HDAC9: variants seen among roughly 807,000 people sequenced by gnomAD.
HDAC9 encodes the protein histone deacetylase 9.
Under a neutral mutation model 139.4 loss-of-function variants are expected in HDAC9, and 41 were observed. That is an observed-to-expected ratio of 0.29 (90% confidence interval 0.23 to 0.38). The LOEUF (loss-of-function observed/expected upper bound fraction) is 0.38. Ranked by LOEUF, HDAC9 falls within the 10% of genes least tolerant of loss-of-function variation. The pLI, the probability that HDAC9 is intolerant of heterozygous loss-of-function variation, is 1.00. For missense variants in HDAC9, 1,147 were observed against 1,297.0 expected, an observed-to-expected ratio of 0.88 and a Z score of 1.78; for synonymous variants, 517 against 476.2, an observed-to-expected ratio of 1.09 and a Z score of -1.12.
chr7:18,169,553 T>C (rs879661596), intron 2 of HDAC9, among the ~76,000 whole-genome samples: 2 of 152,190 alleles, frequency 1.3e-5, no homozygotes, highest in African/African-American at 2.4e-5. Context: ...GTTGGTTTGC[T>C]GCACCCATTA....
At chr7:18,698,741 A>C (rs1229252038) in intron 12 of HDAC9, among the ~76,000 whole-genome samples, 1 of 152,224 alleles carries the variant, frequency 6.6e-6, no homozygotes, top group African/African-American at 2.4e-5. Context: ...CAGAAAGGTC[A>C]CAGTGGTCTG....
At position 18,733,247 on chromosome 7, in the gene HDAC9, A is replaced by G. The variant is rs1584938812; in HGVS notation, c.1909+5490A>G. 5.4e-5 allele frequency among the ~76,000 whole-genome samples: 8 copies of G among 148,050 alleles called. No individual in the cohort carries two copies. The East Asian group carries it at 1.4e-3, about 26-fold the overall frequency. Reference sequence around the variant, plus strand: ...TATACACATATATACATGTGTATATATGTATATAATGTATATATACACAGG... The same window carrying G: ...TATACACATATATACATGTGTATATGTGTATATAATGTATATATACACAGG... On this transcript the variant is annotated intron_variant, in intron 13 of 25. Transcript: ENST00000686413.
At chr7:18,261,594 T>C (rs1795682898) in intron 2 of HDAC9, among the ~76,000 whole-genome samples, 2 of 152,314 alleles carry the variant, frequency 1.3e-5, no homozygotes, top group Non-Finnish European at 2.9e-5. Context: ...AGGTTTACTT[T>C]CTAGAAGTGA....
At chr7:18,676,805 T>C (rs1473611393) in intron 12 of HDAC9, among the ~76,000 whole-genome samples, 1 of 151,946 alleles carries the variant, frequency 6.6e-6, no homozygotes, top group Non-Finnish European at 1.5e-5. Flanking sequence ...ATAACCTTTT[T>C]CTGGATATGG....
Position 18,631,571 on chromosome 7 carries a change from A to G in HDAC9, c.796+2090A>G, listed in dbSNP as rs1027140593. On this transcript the variant is annotated intron_variant, in intron 7 of 25. Transcript: ENST00000686413. The stretch of plus-strand genomic sequence containing the variant: ...CTTTTGCTGTTATCCTCTTACCTCT[A>G]TGTCTTTTCTCTCTTCCCCATTTCA... 4.6e-5 allele frequency among the ~76,000 whole-genome samples: 7 copies of G among 151,786 alleles called. No homozygotes were observed. The South Asian group carries it at 8.3e-4, about 18-fold the overall frequency.
rs112558101 is a variant in HDAC9, at chr7:18,994,080, G to C, written c.3171-1943G>C. Among the ~76,000 whole-genome samples the C allele has an allele frequency of 3.3e-5, 5 of 152,232 alleles. 1 individual carries two copies. The highest frequency in any genetic ancestry group is 1.2e-4 in the African/African-American group (5 of 41,526). The stretch of plus-strand genomic sequence containing the variant: ...TACTCACATCCTTTAAGCCTAGGTT[G>C]GACATGTGGAGAATTCACAGATCCT... On this transcript the variant is annotated intron_variant, in intron 25 of 25. Coordinates refer to ENST00000686413, the MANE Select transcript of HDAC9 (RefSeq NM_178425.4).
At chr7:18,690,177 G>GT (rs1463197855) in intron 12 of HDAC9, among the ~76,000 whole-genome samples, 3 of 151,832 alleles carry the variant, frequency 2.0e-5, no homozygotes, top group Non-Finnish European at 2.9e-5. Flanking sequence ...AACTAAAGAG[G>GT]TTTTTATCCA....
At chr7:18,797,701 C>T (rs1264186181) in intron 17 of HDAC9, among the ~76,000 whole-genome samples, 6 of 151,606 alleles carry the variant, frequency 4.0e-5, no homozygotes, top group East Asian at 1.9e-4. Flanking sequence ...TGTTGGCAGG[C>T]GCCTGTAATC....
chr7:18,541,331 G>A (rs1224177353), intron 2 of HDAC9, among the ~76,000 whole-genome samples: 1 of 151,940 alleles, frequency 6.6e-6, no homozygotes. Context: ...CGGTGTGCCA[G>A]CCAAGATTCC....
chr7:18,522,265 T>A (rs536047628), intron 2 of HDAC9, among the ~76,000 whole-genome samples: 1 of 152,248 alleles, frequency 6.6e-6, no homozygotes, highest in South Asian at 2.1e-4. Context: ...AGCCACACAC[T>A]CTGAAAGACT....
intron 11 of HDAC9, among the ~76,000 whole-genome samples, chr7:18,653,968 C>A (rs1215999690): frequency 4.6e-5 from 7 of 152,104 alleles, no homozygotes; most frequent in Admixed American, 2.6e-4. Context: ...TGGTCACATA[C>A]AAACATAGCA....
rs985469711 is a variant in HDAC9 at position 19,000,202 on chromosome 7, G to A, written c.*4140G>A. ...ATCATCAAATTTCTTGTTTCCAAAG[G>A]CCACTATTGTAGTACAGTCTCCAGC... On this transcript the variant is annotated 3_prime_UTR_variant, in exon 26 of 26. Transcript: ENST00000686413. The A allele has an allele frequency of 2.0e-5, 3 of 152,098 alleles. No individual in the cohort carries two copies. Among genetic ancestry groups the A allele is most frequent in the African/African-American group, 7.2e-5 (3 of 41,416 alleles). The allele number at this position is 152,098 out of a possible 1,614,324, so 9.4% of individuals were successfully genotyped here. A position where few individuals can be genotyped will look rare whatever the true frequency, so the allele number is the denominator to read the frequency against.
Position 18,651,701 on chromosome 7 carries a change from CTG to C in HDAC9, c.1467+3020_1467+3021del, listed in dbSNP as rs1330022373. On this transcript the variant is annotated intron_variant, in intron 11 of 25. Transcript: ENST00000686413. ...TGTTCAGTGTAACTACATAATGTAA[CTG>C]TTATTAATCATACAAAATAATTTAC... Among the ~76,000 whole-genome samples the C allele has an allele frequency of 2.0e-5, 3 of 152,202 alleles. No individual in the cohort carries two copies. In the East Asian group the frequency reaches 5.8e-4, roughly 29 times the overall value.
chr7:18,546,009 A>G (rs1420779827), intron 2 of HDAC9, among the ~76,000 whole-genome samples: 1 of 152,320 alleles, frequency 6.6e-6, no homozygotes, highest in Non-Finnish European at 1.5e-5. Context: ...ACAAATTTCT[A>G]TTCTCACTTA....
intron 2 of HDAC9, among the ~76,000 whole-genome samples, chr7:18,246,752 C>A (rs889201395): frequency 4.0e-5 from 6 of 151,842 alleles, no homozygotes; most frequent in African/African-American, 1.5e-4. Flanking sequence ...AGTTTTATAC[C>A]GAGGGGCAAA....
intron 12 of HDAC9, chr7:18,666,863 G>A (rs539239578): frequency 5.8e-6 from 6 of 1,030,548 alleles, no homozygotes; most frequent in Non-Finnish European, 7.0e-6. Flanking sequence ...GTGACTGCTG[G>A]ATAGTCTCCC....
At chr7:18,650,913 G>T (rs2129037545) in intron 11 of HDAC9, among the ~76,000 whole-genome samples, 1 of 152,226 alleles carries the variant, frequency 6.6e-6, no homozygotes, top group African/African-American at 2.4e-5. Context: ...TATTCCATAT[G>T]TTTCATCAAG....
At chr7:18,703,453 G>C (rs892901152) in intron 12 of HDAC9, among the ~76,000 whole-genome samples, 3 of 152,136 alleles carry the variant, frequency 2.0e-5, no homozygotes, top group Admixed American at 2.0e-4. Flanking sequence ...ATTTCTGATT[G>C]TACGAATTAA....
At chr7:18,756,601 G>A (rs573354481) in intron 14 of HDAC9, among the ~76,000 whole-genome samples, 3 of 152,318 alleles carry the variant, frequency 2.0e-5, no homozygotes, top group African/African-American at 4.8e-5. Flanking sequence ...TTGCGTGTAA[G>A]GTTATTTCAC....
Sources: gnomAD v4.1 joint callset for allele counts (sites outside exome capture counted in the v4.1 genomes callset) on GRCh38, gnomAD v4.1.1 for gene constraint, MANE v1.5 for transcripts, NCBI Gene and HGNC (gene_info 2026-07-23, HGNC 2026-07-21) for gene names.